Variants in KCNH6 observed in about 807,000 individuals in gnomAD.
KCNH6 encodes potassium voltage-gated channel subfamily H member 6.
KCNH6 carries 81 observed loss-of-function variants against 83.4 expected under a neutral mutation model. The ratio of observed to expected loss-of-function variants is 0.97; its 90% CI spans 0.81 to 1.17. KCNH6 has a LOEUF of 1.17. KCNH6 is among the 50% of genes most tolerant of loss of function. The pLI is 0.00. For synonymous variants in KCNH6, 503 were observed against 545.6 expected (o/e 0.92, Z 1.09); for missense variants, 1,203 against 1,290.5 (o/e 0.93, Z 1.04).
At position 63,546,287 on chromosome 17, in the gene KCNH6, T is replaced by C. The variant is rs1427553639; in HGVS notation, c.*385T>C. The C allele has an allele frequency of 6.1e-6, 1 of 162,774 alleles. No homozygotes were observed. The highest frequency in any genetic ancestry group is 1.3e-5 in the Non-Finnish European group (1 of 75,680). The allele number at this position is 162,774 out of a possible 1,614,324, so 10.1% of individuals were successfully genotyped here. A position where few individuals can be genotyped will look rare whatever the true frequency, so the allele number is the denominator to read the frequency against. On this transcript the variant is annotated 3_prime_UTR_variant, in exon 13 of 13. Transcript: ENST00000314672. ...TTGGGGAGGCAGACAGCCCCCCAGA[T>C]GGGCCTCTCCTAAAGTAGCTACAAA...
Position 63,530,942 on chromosome 17 carries a change from G to T in KCNH6, c.675+400G>T, listed in dbSNP as rs115885486. Among the ~76,000 whole-genome samples, 1,203 of 151,190 alleles carry T rather than the reference G, an allele frequency of 8.0e-3. 15 individuals carry two copies. The highest frequency in any genetic ancestry group is 0.026 in the African/African-American group (1,065 of 40,758). On this transcript the variant is annotated intron_variant, in intron 4 of 12. Coordinates refer to ENST00000314672, the MANE Select transcript of KCNH6 (RefSeq NM_001278919.2). ...CCATACTGAGAGGAGAGCTGGTGTGGGGGGGGGTCCCAGCCCTGTGCCAGC... is the reference window on the plus strand; with the variant it reads ...CCATACTGAGAGGAGAGCTGGTGTGTGGGGGGGTCCCAGCCCTGTGCCAGC...
chr17:63,526,859 C>A (rs1008492083), intron 2 of KCNH6, among the ~76,000 whole-genome samples: 1 of 152,150 alleles, frequency 6.6e-6, no homozygotes, highest in African/African-American at 2.4e-5. Flanking sequence ...GAGGCCAGGG[C>A]ACTTGGCAAA....
chr17:63,524,223 A>G lies in KCNH6; in HGVS notation c.161A>G (p.Tyr54Cys), dbSNP rs138601922. The change falls in exon 2 of 13, where the codon TAC (tyrosine) becomes TGC (cysteine). Residue 54 changes from tyrosine (Y) to cysteine (C), a missense_variant. Tyr to Cys is a radical substitution (Grantham distance 194). Coordinates refer to ENST00000314672, the MANE Select transcript of KCNH6 (RefSeq NM_001278919.2). ...CNDGFCELFG[Y>C]SRVEVMQQPC... Reference sequence around the variant, plus strand: ...GACGGCTTCTGCGAACTCTTCGGCTACTCCCGAGTGGAGGTGATGCAGCAA... The same window carrying G: ...GACGGCTTCTGCGAACTCTTCGGCTGCTCCCGAGTGGAGGTGATGCAGCAA... 7,697 of 1,613,986 alleles carry G rather than the reference A, an allele frequency of 4.8e-3. 31 individuals carry two copies. The highest frequency in any genetic ancestry group is 5.6e-3 in the Non-Finnish European group (6,645 of 1,180,006).
chr17:63,543,750 CGCCACCCCA>C (rs2033002220), intron 10 of KCNH6, 90 bp downstream of exon 10: 1 of 808,592 alleles, frequency 1.2e-6, no homozygotes, highest in South Asian at 1.4e-5. Flanking sequence ...GCCTCCCCAG[CGCCACCCCA>C]CTCCATGAGT....
Position 63,546,624 on chromosome 17 carries a change from C to T in KCNH6, c.*722C>T, listed in dbSNP as rs2033154334. ...GAGGTATGTTCTGTGGCAGACATGTCAGGACAGTCCTCCAGCCCTCTGCTC... is the reference window on the plus strand; with the variant it reads ...GAGGTATGTTCTGTGGCAGACATGTTAGGACAGTCCTCCAGCCCTCTGCTC... On this transcript the variant is annotated 3_prime_UTR_variant, in exon 13 of 13. Coordinates refer to ENST00000314672, the MANE Select transcript of KCNH6 (RefSeq NM_001278919.2). The T allele has an allele frequency of 6.6e-6, 1 of 152,290 alleles. No individual in the cohort carries two copies. The highest frequency in any genetic ancestry group is 1.5e-5 in the Non-Finnish European group (1 of 68,120). The allele number at this position is 152,290 out of a possible 1,614,324, so 9.4% of individuals were successfully genotyped here.
At chr17:63,532,818 A>T (rs2032211004) in intron 4 of KCNH6, among the ~76,000 whole-genome samples, 2 of 152,186 alleles carry the variant, frequency 1.3e-5, no homozygotes, top group African/African-American at 4.8e-5. Flanking sequence ...TGTCTGGAGC[A>T]GTGTCTGATG....
chr17:63,542,225 C>A lies in KCNH6; in HGVS notation c.1955-16C>A. The A allele has an allele frequency of 6.2e-7, 1 of 1,612,272 alleles. No individual in the cohort carries two copies. The highest frequency in any genetic ancestry group is 8.5e-7 in the Non-Finnish European group (1 of 1,178,820). On this transcript the variant is annotated splice_polypyrimidine_tract_variant and intron_variant, in intron 8 of 12. Coordinates refer to ENST00000314672, the MANE Select transcript of KCNH6 (RefSeq NM_001278919.2). ...GAGTCAGACCCTGAAGAGACTCCCA[C>A]CCCTCTGGCTGGCAGGAAAGAATGA...
chr17:63,529,240 G>A (rs576199876), intron 2 of KCNH6, among the ~76,000 whole-genome samples: 9 of 152,348 alleles, frequency 5.9e-5, no homozygotes, highest in Non-Finnish European at 1.3e-4. Flanking sequence ...GCAGCCAGCC[G>A]CTGGGTGTGG....
In KCNH6 at chr17:63,523,439, C is replaced by A. The variant is rs1401128379; in HGVS notation, c.26C>A (p.Ala9Asp). The A allele has an allele frequency of 1.2e-6, 2 of 1,604,234 alleles. No individual in the cohort carries two copies. Among genetic ancestry groups the A allele is most frequent in the Admixed American group, 3.4e-5 (2 of 59,480 alleles). ...ATGCCGGTCCGCAGGGGCCACGTCG[C>A]TCCCCAAAACACTTACCTGGACACC... MPVRRGHV[A>D]PQNTYLDTII... is the part of the protein sequence containing the mutation. The change falls in exon 1 of 13, where the codon GCT becomes GAT. Residue 9 changes from alanine to aspartate, a missense_variant. Coordinates refer to ENST00000314672, the MANE Select transcript of KCNH6 (RefSeq NM_001278919.2). The surrounding 1 kb of genome is among the most constrained non-coding windows in gnomAD (Gnocchi z 4.2).
rs914471054 is a variant in KCNH6, at chr17:63,546,112, C to T, written c.*210C>T. 9.2e-5 allele frequency: 46 copies of T among 501,606 alleles called. 1 individual carries two copies. In the Admixed American group the frequency reaches 1.4e-3, roughly 15 times the overall value. The allele number at this position is 501,606 out of a possible 1,614,324, so 31.1% of individuals were successfully genotyped here. A position where few individuals can be genotyped will look rare whatever the true frequency, so the allele number is the denominator to read the frequency against. The stretch of plus-strand genomic sequence containing the variant: ...AAAAATAGCCGGGCGTGGTGGCAGG[C>T]GCCTGTAATCCCAGCTACTGGGGAG... On this transcript the variant is annotated 3_prime_UTR_variant, in exon 13 of 13. Coordinates refer to ENST00000314672, the MANE Select transcript of KCNH6 (RefSeq NM_001278919.2).
In KCNH6 at chr17:63,538,297, C is replaced by CGA. The variant is rs767522762; in HGVS notation, c.1701+34_1701+35insAG. On this transcript the variant is annotated intron_variant, in intron 7 of 12. Transcript: ENST00000314672. The surrounding 1 kb of genome is among the most constrained non-coding windows in gnomAD (Gnocchi z 4.0). ...CCGCCGCTCCGGCTAATGCCCCGGG[C>CGA]GTGGGGGGGAGCCAAGATCCTGCGG... 6.4e-7 allele frequency: 1 copy of CGA among 1,551,680 alleles called. No homozygotes were observed. Among genetic ancestry groups the CGA allele is most frequent in the Non-Finnish European group, 8.7e-7 (1 of 1,150,924 alleles).
At chr17:63,531,526 T>C (rs2147655404) in intron 4 of KCNH6, among the ~76,000 whole-genome samples, 1 of 152,338 alleles carries the variant, frequency 6.6e-6, no homozygotes, top group African/African-American at 2.4e-5. Flanking sequence ...GCAGCTCTTT[T>C]CCCCCTGCCT....
At position 63,545,806 on chromosome 17, in the gene KCNH6, C is replaced by G. The variant is rs1279969081; in HGVS notation, c.2781C>G (p.Phe927Leu). The change falls in exon 13 of 13, where the codon TTC becomes TTG. Residue 927 changes from phenylalanine (F) to leucine (L), a missense_variant. Phe to Leu is a conservative substitution (Grantham distance 22). Transcript: ENST00000314672. ...EVQGLICGPC[F>L]SSLPEHLGSV... Reference sequence around the variant, plus strand: ...AAGGACTCATCTGTGGTCCCTGCTTCTCCTCCCTCCCTGAACACCTTGGCT... The same window carrying G: ...AAGGACTCATCTGTGGTCCCTGCTTGTCCTCCCTCCCTGAACACCTTGGCT... 1.2e-6 allele frequency: 2 copies of G among 1,614,012 alleles called. No homozygotes were observed. Among genetic ancestry groups the G allele is most frequent in the Non-Finnish European group, 1.7e-6 (2 of 1,180,024 alleles).
At chr17:63,546,948 ACAACAGC>A (rs1466593938), downstream of KCNH6, among the ~76,000 whole-genome samples, 1 of 152,178 alleles carries the variant, frequency 6.6e-6, no homozygotes, top group African/African-American at 2.4e-5. Context: ...GGGGATCATG[ACAACAGC>A]CAACACTTCG....
rs1443118901 is a variant in KCNH6 at position 63,531,752 on chromosome 17, C to T, written c.675+1210C>T. Among the ~76,000 whole-genome samples the T allele has an allele frequency of 2.6e-5, 4 of 152,180 alleles. No homozygotes were observed. In the South Asian group the frequency reaches 8.3e-4, roughly 31 times the overall value. ...TTGATGCCACTGTTGGTGGCTACCA[C>T]GGAGGGGGCTGTTAGACTGGAGAGT... On this transcript the variant is annotated intron_variant, in intron 4 of 12. Transcript: ENST00000314672.
rs1219275369 is a variant in KCNH6 at position 63,530,555 on chromosome 17, A to C, written c.675+13A>C. ...GAAGGTCACCCAGGTGCGGGCCTGC[A>C]GAGCAGGGTGTGCAGAGCTGTGCCA... On this transcript the variant is annotated intron_variant, in intron 4 of 12. Transcript: ENST00000314672. The C allele has an allele frequency of 6.2e-7, 1 of 1,613,156 alleles. No individual in the cohort carries two copies. The highest frequency in any genetic ancestry group is 2.2e-5 in the East Asian group (1 of 44,882).
In KCNH6 at chr17:63,538,703, G is replaced by T; in HGVS notation, c.1954+41G>T. 1 of 1,526,330 alleles carries T rather than the reference G, an allele frequency of 6.6e-7. No individual in the cohort carries two copies. 94.5% of individuals were successfully genotyped at this position (1,526,330 alleles called of 1,614,324 possible). A position where few individuals can be genotyped will look rare whatever the true frequency, so the allele number is the denominator to read the frequency against. On this transcript the variant is annotated intron_variant, in intron 8 of 12. Coordinates refer to ENST00000314672, the MANE Select transcript of KCNH6 (RefSeq NM_001278919.2). The surrounding 1 kb of genome is among the most constrained non-coding windows in gnomAD (Gnocchi z 4.0). Reference sequence around the variant, plus strand: ...TGGACCAGGCCTGTGTTGGGGATTGGATGGAAGAGGGCGGGATTGGAGATG... The same window carrying T: ...TGGACCAGGCCTGTGTTGGGGATTGTATGGAAGAGGGCGGGATTGGAGATG...
In KCNH6 at chr17:63,523,550, G is replaced by C; in HGVS notation, c.76+61G>C. 1.4e-6 allele frequency: 2 copies of C among 1,457,636 alleles called. No individual in the cohort carries two copies. The highest frequency in any genetic ancestry group is 1.9e-6 in the Non-Finnish European group (2 of 1,060,538). The allele number at this position is 1,457,636 out of a possible 1,614,324, so 90.3% of individuals were successfully genotyped here. ...GGAGTCCTGGTTCCGTGAAAGGGGGGGCTGGACCCCTTTACTAACTTCTAA... is the reference window on the plus strand; with the variant it reads ...GGAGTCCTGGTTCCGTGAAAGGGGGCGCTGGACCCCTTTACTAACTTCTAA... On this transcript the variant is annotated intron_variant, in intron 1 of 12. Coordinates refer to ENST00000314672, the MANE Select transcript of KCNH6 (RefSeq NM_001278919.2). The surrounding 1 kb of genome is among the most constrained non-coding windows in gnomAD (Gnocchi z 4.2).
chr17:63,544,066 G>A (rs1351281490), intron 10 of KCNH6, 183 bp from the exon 11 acceptor site: 1 of 1,607,766 alleles, frequency 6.2e-7, no homozygotes, highest in Admixed American at 1.7e-5. Flanking sequence ...AGCCTCCTGG[G>A]TCCTGGGAGC....
Sources: allele counts gnomAD v4.1 joint callset (sites outside exome capture counted in the v4.1 genomes callset), GRCh38; gene constraint gnomAD v4.1.1; non-coding constraint Gnocchi (gnomAD v3.1); transcripts MANE v1.5; gene names NCBI Gene and HGNC (gene_info 2026-07-23, HGNC 2026-07-21).